CAST: variants seen among roughly 807,000 people sequenced by gnomAD.
CAST encodes MIR583 host.
Under a neutral mutation model 119.6 loss-of-function variants are expected in CAST, and 76 were observed. The observed-to-expected ratio is 0.64, with a 90% confidence interval of 0.53 to 0.77. The LOEUF is 0.77. Ranked by LOEUF, CAST falls within the 30% of genes least tolerant of loss-of-function variation. CAST has a pLI of 0.00. For synonymous variants in CAST, 319 were observed against 331.6 expected, an observed-to-expected ratio of 0.96 and a Z score of 0.41; for missense variants, 953 against 946.5, an observed-to-expected ratio of 1.01 and a Z score of -0.09.
chr5:96,662,486 C>T lies in CAST; in HGVS notation c.64C>T (p.Arg22Cys). 3 of 1,433,438 alleles carry T rather than the reference C, an allele frequency of 2.1e-6. No homozygotes were observed. Among genetic ancestry groups the T allele is most frequent in the South Asian group, 1.4e-5 (1 of 70,648 alleles). The allele number at this position is 1,433,438 out of a possible 1,614,324, so 88.8% of individuals were successfully genotyped here. The part of the protein sequence containing the change: ...PRPRRAAAAR[R>C]THEHVSEKTS... The stretch of plus-strand genomic sequence containing the variant: ...GCCCCGGCGAGCAGCCGCCGCCCGC[C>T]GCACCCATGAGGTGAGTGGCGCTCC... The change falls in exon 1 of 32, where the codon CGC becomes TGC. Residue 22 changes from arginine (R) to cysteine (C), a missense_variant. Physicochemically the swap from Arg to Cys is radical, Grantham distance 180 (BLOSUM62 -3). Transcript: ENST00000675179.
the CAST span, among the ~76,000 whole-genome samples, chr5:96,265,482 G>C: frequency 6.6e-6 from 1 of 152,094 alleles, no homozygotes; most frequent in Non-Finnish European, 1.5e-5. Flanking sequence ...AGGCCTTAGA[G>C]AACCAGGAGC....
At chr5:96,547,780 A>G (rs1280347820) in intron 1 of CAST, among the ~76,000 whole-genome samples, 1 of 152,196 alleles carries the variant, frequency 6.6e-6, no homozygotes, top group Non-Finnish European at 1.5e-5. Flanking sequence ...GGGTTGTGAT[A>G]GACTACTGTC....
chr5:96,747,281 C>T, intron 17 of CAST, 64 bp from the exon 18 acceptor site: 1 of 903,570 alleles, frequency 1.1e-6, no homozygotes, highest in Non-Finnish European at 1.8e-6. Context: ...CAGAAACAAA[C>T]TTGATGGGAC....
chr5:96,616,827 C>T (rs1241444463), intron 1 of CAST, among the ~76,000 whole-genome samples: 1 of 151,176 alleles, frequency 6.6e-6, no homozygotes, highest in African/African-American at 2.4e-5. Context: ...AGAAATAAGA[C>T]ACCAAGCATC....
chr5:96,161,256 G>T, the CAST span, among the ~76,000 whole-genome samples: 3 of 151,950 alleles, frequency 2.0e-5, no homozygotes, highest in African/African-American at 7.2e-5. Flanking sequence ...TTATAATTAG[G>T]CCAGTTTTCT....
chr5:96,341,362 G>A, the CAST span, among the ~76,000 whole-genome samples: 1 of 112,566 alleles, frequency 8.9e-6, no homozygotes, highest in Non-Finnish European at 1.7e-5. Flanking sequence ...ACCCTGCTTG[G>A]TTTTGGTTTG....
At chr5:96,534,716 AGAGAGAGAGAGAGAGAGAGAGAG>A (rs1561408755) in intron 1 of CAST, among the ~76,000 whole-genome samples, 2,033 of 32,638 alleles carry the variant, frequency 0.062, 39 homozygotes, top group East Asian at 0.17. Context: ...GGAAGGAAGG[AGAGAGAGAGAGAGAGAGAGAGAG>A]AGAAAGAAAG....
chr5:96,585,258 A>G (rs1341408177), intron 1 of CAST, among the ~76,000 whole-genome samples: 1 of 152,012 alleles, frequency 6.6e-6, no homozygotes, highest in African/African-American at 2.4e-5. Context: ...CCCACTCACA[A>G]CGCTCCAGAC....
chr5:96,050,476 T>C, the CAST span, among the ~76,000 whole-genome samples: 1 of 151,994 alleles, frequency 6.6e-6, no homozygotes, highest in Non-Finnish European at 1.5e-5. Context: ...CTGGCACTGA[T>C]CAGTGTGGAT....
At chr5:96,100,876 A>G in the CAST span, among the ~76,000 whole-genome samples, 23 of 152,118 alleles carry the variant, frequency 1.5e-4, no homozygotes, top group Non-Finnish European at 3.1e-4. Flanking sequence ...TATATATATT[A>G]TGTACAACAT....
chr5:96,662,746 G>GA (rs1309036093), intron 1 of CAST, among the ~76,000 whole-genome samples: 1 of 152,220 alleles, frequency 6.6e-6, no homozygotes, highest in Non-Finnish European at 1.5e-5. Context: ...GACGCGTCAA[G>GA]AAAAGTTGGC....
At chr5:96,540,572 T>C (rs1745894023) in intron 1 of CAST, among the ~76,000 whole-genome samples, 2 of 152,220 alleles carry the variant, frequency 1.3e-5, no homozygotes, top group Non-Finnish European at 2.9e-5. Context: ...TTTCTTAAAA[T>C]GAGCAAACCA....
the CAST span, among the ~76,000 whole-genome samples, chr5:96,068,852 C>T: frequency 6.6e-6 from 1 of 150,610 alleles, no homozygotes; most frequent in African/African-American, 2.4e-5. Flanking sequence ...TATACACACA[C>T]CTGTCTTCCT....
chr5:96,528,632 C>T (rs79432993), upstream of CAST, among the ~76,000 whole-genome samples: 5,679 of 152,268 alleles, frequency 0.037, 363 homozygotes, highest in African/African-American at 0.13. Flanking sequence ...CTGATTACTA[C>T]ACAGAAATAG....
At chr5:96,520,263 G>A in the CAST span, among the ~76,000 whole-genome samples, 1 of 152,182 alleles carries the variant, frequency 6.6e-6, no homozygotes, top group South Asian at 2.1e-4. Flanking sequence ...CACTGATTTG[G>A]ATTTATTTTA....
At chr5:96,337,906 G>A in the CAST span, among the ~76,000 whole-genome samples, 1 of 152,110 alleles carries the variant, frequency 6.6e-6, no homozygotes, top group South Asian at 2.1e-4. Context: ...CTAACATTTT[G>A]AACACATATA....
At chr5:96,300,577 AT>A in the CAST span, among the ~76,000 whole-genome samples, 36,341 of 146,550 alleles carry the variant, frequency 0.25, 4,995 homozygotes, top group Admixed American at 0.38. Context: ...TGCCTTTGCT[AT>A]TTTTTTTTTT....
chr5:95,996,762 T>C, the CAST span, among the ~76,000 whole-genome samples: 1 of 152,108 alleles, frequency 6.6e-6, no homozygotes, highest in Non-Finnish European at 1.5e-5. Context: ...ATAGAGTGGG[T>C]CCCAGGAATC....
chr5:96,722,467 T>C (rs1175801104), intron 3 of CAST, among the ~76,000 whole-genome samples, 172 bp from the exon 4 acceptor site: 1 of 152,246 alleles, frequency 6.6e-6, no homozygotes, highest in Non-Finnish European at 1.5e-5. Flanking sequence ...CTATTTGATC[T>C]GGTTACAAAG....
Sources: gnomAD v4.1 joint callset for allele counts (sites outside exome capture counted in the v4.1 genomes callset) on GRCh38, gnomAD v4.1.1 for gene constraint, MANE v1.5 for transcripts, NCBI Gene and HGNC (gene_info 2026-07-23, HGNC 2026-07-21) for gene names.